TBC1D5: variants seen among roughly 807,000 people sequenced by gnomAD.
The protein encoded by TBC1D5 is TBC1 domain family, member 5.
TBC1D5 carries 75 observed loss-of-function variants against 100.3 expected under a neutral mutation model. That is an observed-to-expected ratio of 0.75 (90% CI 0.62 to 0.91). The LOEUF (loss-of-function observed/expected upper bound fraction) is 0.91, where lower values mean the gene tolerates loss of function less well. Ranked by LOEUF, TBC1D5 falls within the 40% of genes least tolerant of loss-of-function variation. The pLI, the probability that TBC1D5 is intolerant of heterozygous loss-of-function variation, is 0.00. For synonymous variants in TBC1D5, 323 were observed against 325.6 expected, an observed-to-expected ratio of 0.99 and a Z score of 0.09; for missense variants, 910 against 942.4, an observed-to-expected ratio of 0.97 and a Z score of 0.45.
intron 18 of TBC1D5, among the ~76,000 whole-genome samples, chr3:17,193,648 G>A (rs192970533): frequency 2.6e-5 from 4 of 152,130 alleles, no homozygotes; most frequent in East Asian, 1.9e-4. Context: ...TTTATTCTTC[G>A]GGTCTACCTG....
chr3:17,607,963 G>C (rs1226735148), intron 2 of TBC1D5, among the ~76,000 whole-genome samples: 1 of 152,120 alleles, frequency 6.6e-6, no homozygotes, highest in East Asian at 1.9e-4. Context: ...ACCTTAATGT[G>C]ATCAAGGGAA....
intron 17 of TBC1D5, among the ~76,000 whole-genome samples, chr3:17,224,978 T>C (rs1387403131): frequency 6.6e-6 from 1 of 152,116 alleles, no homozygotes; most frequent in African/African-American, 2.4e-5. Flanking sequence ...TTATAAAAAT[T>C]AGCTTACTAA....
At chr3:17,606,507 A>G (rs2061345094) in intron 2 of TBC1D5, among the ~76,000 whole-genome samples, 1 of 152,160 alleles carries the variant, frequency 6.6e-6, no homozygotes, top group Non-Finnish European at 1.5e-5. Flanking sequence ...AATATATATA[A>G]AGCAAGAATA....
chr3:17,532,369 C>G (rs1576552437), intron 2 of TBC1D5, among the ~76,000 whole-genome samples: 1 of 152,162 alleles, frequency 6.6e-6, no homozygotes, highest in Non-Finnish European at 1.5e-5. Context: ...GAAACAGGAA[C>G]ACTTTTACAC....
chr3:17,569,407 T>G (rs1195542037), intron 2 of TBC1D5, among the ~76,000 whole-genome samples: 1 of 151,942 alleles, frequency 6.6e-6, no homozygotes, highest in Non-Finnish European at 1.5e-5. Flanking sequence ...TATATAGATA[T>G]GAAATTCATG....
intron 3 of TBC1D5, among the ~76,000 whole-genome samples, chr3:17,478,707 C>G (rs1232925834): frequency 6.6e-6 from 1 of 152,182 alleles, no homozygotes; most frequent in African/African-American, 2.4e-5. Context: ...GCAGATCTGA[C>G]AAGGTCACAG....
exon 22 of TBC1D5, chr3:17,157,906 A>C (rs1426159612): frequency 3.5e-5 from 5 of 144,624 alleles, no homozygotes; most frequent in African/African-American, 1.3e-4. Flanking sequence ...GGCTGACAGC[A>C]CAAGAGTCAA....
At chr3:17,691,406 T>A (rs2071135137) in intron 1 of TBC1D5, among the ~76,000 whole-genome samples, 4 of 152,206 alleles carry the variant, frequency 2.6e-5, no homozygotes. Context: ...CACACTAAAT[T>A]CACACTACTT....
chr3:17,513,837 G>A (rs2095945680), intron 2 of TBC1D5, among the ~76,000 whole-genome samples: 2 of 152,158 alleles, frequency 1.3e-5, no homozygotes, highest in Admixed American at 6.5e-5. Flanking sequence ...TATTTAACCA[G>A]AAATATGACA....
intron 4 of TBC1D5, among the ~76,000 whole-genome samples, chr3:17,408,580 C>G (rs1259582372): frequency 1.3e-5 from 2 of 152,088 alleles, no homozygotes; most frequent in Non-Finnish European, 1.5e-5. Context: ...CTCAGCCTCC[C>G]AAAGTGCTGG....
chr3:17,388,437 A>C (rs2044448), intron 8 of TBC1D5, among the ~76,000 whole-genome samples: 121,287 of 152,074 alleles, frequency 0.8, 49,418 homozygotes, highest in East Asian at 1. Flanking sequence ...CAGCACTAAT[A>C]ATTTCTTGTT....
At chr3:17,443,867 A>C (rs1317112497) in intron 3 of TBC1D5, among the ~76,000 whole-genome samples, 1 of 152,216 alleles carries the variant, frequency 6.6e-6, no homozygotes, top group African/African-American at 2.4e-5. Flanking sequence ...CAATCTGAAG[A>C]ACAAAGAAAA....
chr3:17,574,745 C>T (rs2096647408), intron 2 of TBC1D5, among the ~76,000 whole-genome samples: 1 of 152,054 alleles, frequency 6.6e-6, no homozygotes, highest in Admixed American at 6.6e-5. Flanking sequence ...AGAAATGCTG[C>T]TTTGCTAACA....
At chr3:17,218,888 T>C (rs1223314196) in intron 17 of TBC1D5, among the ~76,000 whole-genome samples, 3 of 151,144 alleles carry the variant, frequency 2.0e-5, no homozygotes, top group Non-Finnish European at 4.4e-5. Context: ...GGTGTAGATC[T>C]GAGTTTATCC....
intron 1 of TBC1D5, among the ~76,000 whole-genome samples, chr3:17,699,305 A>C (rs2072734303): frequency 7.1e-6 from 1 of 139,892 alleles, no homozygotes; most frequent in African/African-American, 2.6e-5. Flanking sequence ...AAAAAACCAA[A>C]CACCACATAT....
chr3:17,631,040 T>A (rs1257513429), intron 1 of TBC1D5, among the ~76,000 whole-genome samples: 1 of 40,254 alleles, frequency 2.5e-5, no homozygotes, highest in African/African-American at 1.0e-4. Context: ...TGAGACTCCG[T>A]CTCAAAAAAA....
chr3:17,426,741 T>C (rs112756947), intron 4 of TBC1D5, among the ~76,000 whole-genome samples: 2 of 152,096 alleles, frequency 1.3e-5, no homozygotes, highest in African/African-American at 4.8e-5. Flanking sequence ...GATAATACTA[T>C]ACCTTCACAT....
At chr3:17,394,282 G>A (rs766199163) in intron 8 of TBC1D5, among the ~76,000 whole-genome samples, 2 of 152,088 alleles carry the variant, frequency 1.3e-5, no homozygotes, top group Non-Finnish European at 2.9e-5. Context: ...CAAAGTGCTT[G>A]CACACTGAAG....
At chr3:17,227,852 GTTTT>G (rs34995201) in intron 17 of TBC1D5, among the ~76,000 whole-genome samples, 128 of 139,104 alleles carry the variant, frequency 9.2e-4, no homozygotes, top group African/African-American at 3.0e-3. Context: ...TAAAATAAAA[GTTTT>G]TTTTTTTTTT....
Sources: allele counts gnomAD v4.1 joint callset (sites outside exome capture counted in the v4.1 genomes callset), GRCh38; gene constraint gnomAD v4.1.1; transcripts MANE v1.5; gene names NCBI Gene and HGNC (gene_info 2026-07-23, HGNC 2026-07-21).